The following AP3D1 variants were observed in gnomAD, a reference collection of about 807,000 sequenced individuals.
The protein encoded by AP3D1 is AP-3 complex subunit delta-1.
In AP3D1, 51 loss-of-function variants were observed where a neutral mutation model predicts 147.6. That is an observed-to-expected ratio of 0.35 (90% CI 0.28 to 0.44). The LOEUF (loss-of-function observed/expected upper bound fraction) is 0.44. AP3D1 is among the 20% of genes least tolerant of loss of function. AP3D1 has a pLI of 1.00. For missense variants in AP3D1, 1,421 were observed against 1,624.2 expected, an observed-to-expected ratio of 0.87 and a Z score of 2.15; for synonymous variants, 760 against 663.0, an observed-to-expected ratio of 1.15 and a Z score of -2.25.
Position 2,121,225 on chromosome 19 carries a change from C to T in AP3D1, c.1188G>A (p.Leu396=). ...KAEGTTYRDE[L]LTKIIDICSQ... ...TGCAGATGTCAATGATCTTGGTGAGCAGCTCGTCACGGTAGGTGGTACCCT... is the reference window on the plus strand; with the variant it reads ...TGCAGATGTCAATGATCTTGGTGAGTAGCTCGTCACGGTAGGTGGTACCCT... Residue 396 remains leucine, a synonymous_variant, in exon 13 of 32, where the codon CTG becomes CTA. Transcript: ENST00000643116. 5 of 1,614,232 alleles carry T rather than the reference C, an allele frequency of 3.1e-6. No individual in the cohort carries two copies. The highest frequency in any genetic ancestry group is 4.2e-6 in the Non-Finnish European group (5 of 1,180,026).
At chr19:2,118,861 A>C in intron 14 of AP3D1, 29 bp from the exon 15 acceptor site, 2 of 1,594,738 alleles carry the variant, frequency 1.3e-6, no homozygotes, top group Non-Finnish European at 8.6e-7. Context: ...GTGAGCCCCC[A>C]GGATGCCAAT....
intron 18 of AP3D1, among the ~76,000 whole-genome samples, chr19:2,115,998 C>T (rs2018436590): frequency 6.6e-6 from 1 of 152,254 alleles, no homozygotes; most frequent in African/African-American, 2.4e-5. Flanking sequence ...CTGCCAGGCG[C>T]AGGGAACAGG....
intron 24 of AP3D1, chr19:2,112,577 A>G (rs2018314443): frequency 8.8e-6 from 3 of 341,130 alleles, no homozygotes; most frequent in Non-Finnish European, 1.1e-5. Context: ...CTGGAACTAG[A>G]CAGAGGTGAT....
intron 1 of AP3D1, among the ~76,000 whole-genome samples, chr19:2,141,151 C>G (rs3786970): frequency 0.49 from 75,128 of 151,928 alleles, 18,691 homozygotes; most frequent in East Asian, 0.51. Flanking sequence ...TTAGCTGAAG[C>G]TATAATGTGG....
rs539498849 is a variant in AP3D1, at chr19:2,111,585, A to G, written c.2937+94T>C. ...GCTCGGCTTCTTCTCGAATCTGCTC[A>G]GTTCTCTCCCGCATGGAGGCTGCAG... On this transcript the variant is annotated intron_variant, in intron 25 of 31. Transcript: ENST00000643116. The G allele has an allele frequency of 3.5e-6, 5 of 1,441,136 alleles. No homozygotes were observed. The African/African-American group carries it at 4.2e-5, about 12-fold the overall frequency. 89.3% of individuals were successfully genotyped at this position (1,441,136 alleles called of 1,614,324 possible). A position where few individuals can be genotyped will look rare whatever the true frequency, so the allele number is the denominator to read the frequency against.
intron 12 of AP3D1, 133 bp from the exon 13 acceptor site, chr19:2,121,444 G>T (rs1050235936): frequency 8.1e-7 from 1 of 1,236,448 alleles, no homozygotes; most frequent in Non-Finnish European, 1.1e-6. Context: ...CGATGCCAGG[G>T]AGGCAGCAGG....
At chr19:2,114,012 T>C in intron 22 of AP3D1, 113 bp downstream of exon 22, 3 of 1,457,802 alleles carry the variant, frequency 2.1e-6, no homozygotes, top group Non-Finnish European at 2.7e-6. Flanking sequence ...CGGCTGGCAC[T>C]CGCTGCCTGA....
rs2018391468 is a variant in AP3D1, at chr19:2,114,742, A to T, written c.2423+6T>A. 6.2e-7 allele frequency: 1 copy of T among 1,606,762 alleles called. No individual in the cohort carries two copies. The highest frequency in any genetic ancestry group is 1.3e-5 in the African/African-American group (1 of 74,396). On this transcript the variant is annotated splice_donor_region_variant and intron_variant, in intron 21 of 31. Transcript: ENST00000643116. ...CCACCCTCACCCTGAACCCATATGGACTCACTTATCCAGGTCAATATCCAG... is the reference window on the plus strand; with the variant it reads ...CCACCCTCACCCTGAACCCATATGGTCTCACTTATCCAGGTCAATATCCAG...
chr19:2,108,932 G>T, intron 30 of AP3D1, 154 bp downstream of exon 30: 1 of 1,331,716 alleles, frequency 7.5e-7, no homozygotes, highest in Non-Finnish European at 1.0e-6. Flanking sequence ...TGCAGCCCCC[G>T]CACCAGCTCC....
chr19:2,110,534 C>T (rs1034702154), intron 27 of AP3D1, among the ~76,000 whole-genome samples, 173 bp downstream of exon 27: 4 of 151,996 alleles, frequency 2.6e-5, no homozygotes, highest in Admixed American at 1.3e-4. Flanking sequence ...GAGGCCATTG[C>T]GCTTCTCAGA....
intron 29 of AP3D1, 112 bp downstream of exon 29, chr19:2,109,761 T>C: frequency 9.5e-7 from 1 of 1,049,634 alleles, no homozygotes. Flanking sequence ...CGCCTCCAAA[T>C]CCGTCTCTAA....
chr19:2,115,960 G>A (rs1196121036), intron 18 of AP3D1, among the ~76,000 whole-genome samples: 4 of 152,284 alleles, frequency 2.6e-5, no homozygotes, highest in African/African-American at 7.2e-5. Context: ...GCCCACGACC[G>A]TGGGGTCAGG....
intron 27 of AP3D1, 118 bp downstream of exon 27, chr19:2,110,585 GCAGC>G: frequency 9.0e-7 from 1 of 1,107,072 alleles, no homozygotes; most frequent in Non-Finnish European, 1.3e-6. Flanking sequence ...GTACTGAGGT[GCAGC>G]CTGGGGACAA....
chr19:2,156,052 CAAA>C (rs66864687), upstream of AP3D1, among the ~76,000 whole-genome samples: 13 of 115,064 alleles, frequency 1.1e-4, no homozygotes, highest in Non-Finnish European at 1.3e-4. Flanking sequence ...GACTCCGTCT[CAAA>C]AAAAAAAAAA....
chr19:2,131,783 C>T (rs1039203370), intron 5 of AP3D1, among the ~76,000 whole-genome samples: 1 of 131,332 alleles, frequency 7.6e-6, no homozygotes, highest in Non-Finnish European at 1.6e-5. Flanking sequence ...GGCAGCCACA[C>T]GGGGACCGCG....
In AP3D1 at chr19:2,109,140, G is replaced by A. The variant is rs1478123360; in HGVS notation, c.3418C>T (p.Arg1140Trp). The A allele has an allele frequency of 9.9e-6, 16 of 1,608,738 alleles. No homozygotes were observed. Among genetic ancestry groups the A allele is most frequent in the African/African-American group, 2.7e-5 (2 of 74,540 alleles). The change falls in exon 30 of 32, where the codon CGG becomes TGG. Residue 1140 changes from arginine (R) to tryptophan (W), a missense_variant. Arg to Trp is a moderately radical substitution (Grantham distance 101, BLOSUM62 -3). Transcript: ENST00000643116. ...SMSSIKVDGIRMSFQNLLAKI... is the reference protein window; with the variant it reads ...SMSSIKVDGIWMSFQNLLAKI... ...GCCAGAAGATTCTGGAAGGACATCC[G>A]AATGCCATCGACTTTGATTGAGCTC...
At chr19:2,116,541 C>T in intron 17 of AP3D1, 64 bp downstream of exon 17, 23 of 1,483,384 alleles carry the variant, frequency 1.6e-5, no homozygotes, top group Non-Finnish European at 2.0e-5. Flanking sequence ...GCTGACCTGC[C>T]TCAAAGACTC....
At chr19:2,116,124 C>T in intron 18 of AP3D1, 83 bp downstream of exon 18, 10 of 1,412,996 alleles carry the variant, frequency 7.1e-6, no homozygotes, top group African/African-American at 1.4e-5. Flanking sequence ...CCTGAGGGAA[C>T]CCGAAACTCA....
chr19:2,129,322 T>A lies in AP3D1; in HGVS notation c.728A>T (p.Lys243Met). The change falls in exon 7 of 32, where the codon AAG becomes ATG. Residue 243 changes from lysine to methionine, a missense_variant. This residue lies in a region of AP3D1 where 292 missense variants were observed against 412.0 expected (regional missense o/e 0.71). Transcript: ENST00000643116. ...TNNWVLIKII[K>M]LFGALTPLEP... ...ACATTCCCGGGCAGTACTTGCCAGC[T>A]TGATGATCTTGATGAGGACCCAGTT... is the stretch of plus-strand genomic sequence containing the variant. The A allele has an allele frequency of 6.2e-7, 1 of 1,613,930 alleles. No individual in the cohort carries two copies. Among genetic ancestry groups the A allele is most frequent in the Non-Finnish European group, 8.5e-7 (1 of 1,180,002 alleles).
Sources: allele counts gnomAD v4.1 joint callset (sites outside exome capture counted in the v4.1 genomes callset), GRCh38; gene constraint gnomAD v4.1.1; regional missense constraint gnomAD v4.1.1; transcripts MANE v1.5; gene names NCBI Gene and HGNC (gene_info 2026-07-23, HGNC 2026-07-21).